Variants in DOCK5 observed in about 807,000 individuals in gnomAD.
DOCK5 encodes the protein dedicator of cytokinesis 5, also known as dedicator of cytokinesis protein 5.
Under a neutral mutation model 251.8 loss-of-function variants are expected in DOCK5, and 142 were observed. The ratio of observed to expected loss-of-function variants is 0.56; its 90% CI spans 0.49 to 0.65. DOCK5 has a LOEUF of 0.65. Among genes scored for constraint, DOCK5 ranks in the 30% least tolerant of loss-of-function variants. DOCK5 has a pLI of 0.00. For missense variants in DOCK5, 2,111 were observed against 2,312.3 expected (o/e 0.91, Z 1.79); for synonymous variants, 842 against 835.5 (o/e 1.01, Z -0.13).
chr8:25,184,830 G>A lies in DOCK5; in HGVS notation c.-79G>A, dbSNP rs1362733449. The A allele has an allele frequency of 3.2e-6, 4 of 1,230,882 alleles. No individual in the cohort carries two copies. Among genetic ancestry groups the A allele is most frequent in the Admixed American group, 8.5e-5 (2 of 23,576 alleles). The allele number at this position is 1,230,882 out of a possible 1,614,324, so 76.2% of individuals were successfully genotyped here. A position where few individuals can be genotyped will look rare whatever the true frequency, so the allele number is the denominator to read the frequency against. On this transcript the variant is annotated 5_prime_UTR_variant, in exon 1 of 52. Coordinates refer to ENST00000276440, the MANE Select transcript of DOCK5 (RefSeq NM_024940.8). ...TGGCGGAAGCGTCTGGGGCACGCAGGAGCGCGGGGCGGCGGCGGCCGGAGC... is the reference window on the plus strand; with the variant it reads ...TGGCGGAAGCGTCTGGGGCACGCAGAAGCGCGGGGCGGCGGCGGCCGGAGC...
intron 1 of DOCK5, among the ~76,000 whole-genome samples, chr8:25,200,474 TGA>T (rs1261262322): frequency 2.0e-5 from 3 of 152,164 alleles, no homozygotes; most frequent in Non-Finnish European, 4.4e-5. Flanking sequence ...TTGACAAAGG[TGA>T]GAGTGGCATG....
At chr8:25,328,029 T>C (rs980770669) in intron 18 of DOCK5, among the ~76,000 whole-genome samples, 1 of 152,122 alleles carries the variant, frequency 6.6e-6, no homozygotes, top group African/African-American at 2.4e-5. Flanking sequence ...ATTTTATTAA[T>C]AAAATTAAAT....
At chr8:25,277,557 C>T (rs975835350) in intron 4 of DOCK5, 9 of 152,094 alleles carry the variant, frequency 5.9e-5, no homozygotes, top group African/African-American at 1.9e-4. Flanking sequence ...AAGATGTCCT[C>T]AAAGCCGTAC....
intron 1 of DOCK5, among the ~76,000 whole-genome samples, chr8:25,206,555 A>G: frequency 6.6e-6 from 1 of 152,168 alleles, no homozygotes; most frequent in African/African-American, 2.4e-5. Context: ...AACCTGGGCT[A>G]GTTCCTACAT....
Position 25,190,775 on chromosome 8 carries a change from G to GATTTTT in DOCK5, c.43+5824_43+5825insATTTTT, listed in dbSNP as rs755511798. Among the ~76,000 whole-genome samples, 13 of 53,980 alleles carry GATTTTT rather than the reference G, an allele frequency of 2.4e-4. 1 individual carries two copies. Among genetic ancestry groups the GATTTTT allele is most frequent in the African/African-American group, 5.4e-4 (8 of 14,868 alleles). 35.4% of individuals were successfully genotyped at this position (53,980 alleles called of 152,430 possible). A position where few individuals can be genotyped will look rare whatever the true frequency, so the allele number is the denominator to read the frequency against. ...AAGGCCTGGCCTTAACTTGGTCATG[G>GATTTTT]GTTTTTTTTTTTTTTTTTTTTTTTT... On this transcript the variant is annotated intron_variant, in intron 1 of 51. Transcript: ENST00000276440.
intron 9 of DOCK5, among the ~76,000 whole-genome samples, chr8:25,301,181 T>G (rs570447920): frequency 2.7e-4 from 41 of 152,220 alleles, no homozygotes; most frequent in African/African-American, 9.9e-4. Flanking sequence ...ACAGCACATA[T>G]AGAGTTCGGT....
chr8:25,269,572 A>G (rs1254742487), intron 3 of DOCK5, among the ~76,000 whole-genome samples: 1 of 152,238 alleles, frequency 6.6e-6, no homozygotes, highest in Non-Finnish European at 1.5e-5. Context: ...TTTGAAAAAT[A>G]CTGACCTAAA....
chr8:25,338,061 T>G (rs1180968192), intron 22 of DOCK5, among the ~76,000 whole-genome samples: 1 of 152,146 alleles, frequency 6.6e-6, no homozygotes, highest in African/African-American at 2.4e-5. Context: ...TTTTTGTTTT[T>G]GAGACAGGGT....
intron 37 of DOCK5, chr8:25,375,515 C>G (rs1204001396): frequency 5.2e-6 from 1 of 193,090 alleles, no homozygotes; most frequent in African/African-American, 2.4e-5. Flanking sequence ...ACTAGGATTA[C>G]AGGCATGAGC....
chr8:25,384,126 G>A (rs895803184), intron 40 of DOCK5, among the ~76,000 whole-genome samples: 7 of 152,164 alleles, frequency 4.6e-5, no homozygotes, highest in South Asian at 2.1e-4. Context: ...ACACAACTGC[G>A]GGCATGATTC....
intron 2 of DOCK5, among the ~76,000 whole-genome samples, chr8:25,254,115 A>T (rs1184283977): frequency 6.6e-6 from 1 of 152,260 alleles, no homozygotes; most frequent in African/African-American, 2.4e-5. Flanking sequence ...TTTGACAAAG[A>T]ACAAAGGCAA....
chr8:25,401,425 T>A (rs552587582), intron 47 of DOCK5, among the ~76,000 whole-genome samples: 5 of 152,166 alleles, frequency 3.3e-5, no homozygotes, highest in African/African-American at 1.2e-4. Flanking sequence ...GGGACAACAC[T>A]TTGAGAACCA....
At chr8:25,225,010 A>G (rs1802493969) in intron 1 of DOCK5, among the ~76,000 whole-genome samples, 1 of 152,262 alleles carries the variant, frequency 6.6e-6, no homozygotes, top group East Asian at 1.9e-4. Flanking sequence ...ACTAAGCAGT[A>G]TGGAAACGCA....
chr8:25,205,677 A>C (rs1490669374), intron 1 of DOCK5, among the ~76,000 whole-genome samples: 2 of 152,176 alleles, frequency 1.3e-5, no homozygotes, highest in Non-Finnish European at 2.9e-5. Context: ...TTGCTGATTC[A>C]GTTGTCAGGG....
At chr8:25,404,332 TCTGTAG>T (rs1176679617) in intron 48 of DOCK5, among the ~76,000 whole-genome samples, 5 of 152,228 alleles carry the variant, frequency 3.3e-5, no homozygotes, top group African/African-American at 7.2e-5. Context: ...CTTTATGCTT[TCTGTAG>T]CTATAGATAT....
At chr8:25,195,054 G>A (rs1801687613) in intron 1 of DOCK5, among the ~76,000 whole-genome samples, 1 of 151,960 alleles carries the variant, frequency 6.6e-6, no homozygotes, top group African/African-American at 2.4e-5. Flanking sequence ...CCGAGTAGCT[G>A]GGACTACAGG....
rs149714061 is a variant in DOCK5 at position 25,390,259 on chromosome 8, G to A, written c.4327G>A (p.Asp1443Asn). The change falls in exon 42 of 52, where the codon GAT becomes AAT. Residue 1443 changes from aspartate (D) to asparagine (N), a missense_variant. Asp to Asn is a conservative substitution (Grantham distance 23, BLOSUM62 1). This residue lies in a region of DOCK5 where 1,717 missense variants were observed against 1,892.4 expected (regional missense o/e 0.91). Transcript: ENST00000276440. ...PVMSLPPSYK[D>N]KPVPEQILNY... ...GATGAGCTTGCCGCCCAGCTACAAG[G>A]ATAAACCTGTTCCAGAGCAGATCTT... 8.0e-5 allele frequency: 128 copies of A among 1,590,186 alleles called. No individual in the cohort carries two copies. In the African/African-American group the frequency reaches 1.3e-3, roughly 17 times the overall value.
intron 1 of DOCK5, among the ~76,000 whole-genome samples, chr8:25,218,234 C>T (rs1010980567): frequency 4.6e-5 from 7 of 152,058 alleles, no homozygotes; most frequent in Non-Finnish European, 1.0e-4. Flanking sequence ...ATGGTTATGA[C>T]CTGATTAAGT....
chr8:25,184,899 G>A lies in DOCK5; in HGVS notation c.-10G>A. 1.4e-6 allele frequency: 2 copies of A among 1,407,400 alleles called. No individual in the cohort carries two copies. The highest frequency in any genetic ancestry group is 2.8e-5 in the Admixed American group (1 of 36,214). The allele number at this position is 1,407,400 out of a possible 1,614,324, so 87.2% of individuals were successfully genotyped here. On this transcript the variant is annotated 5_prime_UTR_variant, in exon 1 of 52. Transcript: ENST00000276440. Reference sequence around the variant, plus strand: ...CTTAGTCGCCGCCGCCGCGGGGCGAGGTCGCCGCCATGGCCCGCTGGATCC... The same window carrying A: ...CTTAGTCGCCGCCGCCGCGGGGCGAAGTCGCCGCCATGGCCCGCTGGATCC...
Sources: allele counts gnomAD v4.1 joint callset (sites outside exome capture counted in the v4.1 genomes callset), GRCh38; gene constraint gnomAD v4.1.1; regional missense constraint gnomAD v4.1.1; transcripts MANE v1.5; gene names NCBI Gene and HGNC (gene_info 2026-07-23, HGNC 2026-07-21).